The following MYSM1 variants were observed in gnomAD, a reference collection of about 807,000 sequenced individuals.
MYSM1 encodes deubiquitinase MYSM1.
A neutral mutation model predicts 116.0 loss-of-function variants in MYSM1; 51 were observed. The observed-to-expected ratio is 0.44, with a 90% CI of 0.35 to 0.56. The LOEUF is 0.56. Among genes scored for constraint, MYSM1 ranks in the 20% least tolerant of loss-of-function variants. The pLI is 0.00. For missense variants in MYSM1, 900 were observed against 974.9 expected (o/e 0.92, Z 1.02); for synonymous variants, 313 against 315.2 (o/e 0.99, Z 0.07).
At chr1:58,689,174 A>T in intron 5 of MYSM1, 58 bp from the exon 6 acceptor site, 1 of 1,322,386 alleles carries the variant, frequency 7.6e-7, no homozygotes, top group South Asian at 1.3e-5. Flanking sequence ...TTCCATATTT[A>T]TGTAACTAAA....
chr1:58,698,102 A>ATATATATATATATATATATATATATATT, intron 1 of MYSM1, among the ~76,000 whole-genome samples: 1 of 7,764 alleles, frequency 1.3e-4, no homozygotes, highest in African/African-American at 2.6e-4. Context: ...ATATATATAT[A>ATATATATATATATATATATATATATATT]TTTTTTTTTT....
rs184719529 is a variant in MYSM1, at chr1:58,659,092, T to C, written c.*905A>G. 1.3e-4 allele frequency: 19 copies of C among 148,900 alleles called. No homozygotes were observed. The highest frequency in any genetic ancestry group is 6.8e-4 in the Admixed American group (10 of 14,604). 9.2% of individuals were successfully genotyped at this position (148,900 alleles called of 1,614,324 possible). A position where few individuals can be genotyped will look rare whatever the true frequency, so the allele number is the denominator to read the frequency against. Reference sequence around the variant, plus strand: ...TAAAAAAGTTCACTGACCTCCATTATAGATTCAGAAAGCATATGAAACTGG... The same window carrying C: ...TAAAAAAGTTCACTGACCTCCATTACAGATTCAGAAAGCATATGAAACTGG... On this transcript the variant is annotated 3_prime_UTR_variant, in exon 20 of 20. Coordinates refer to ENST00000472487, the MANE Select transcript of MYSM1 (RefSeq NM_001085487.3).
intron 12 of MYSM1, 123 bp downstream of exon 12, chr1:58,671,747 A>T (rs1034746821): frequency 1.4e-6 from 1 of 698,006 alleles, no homozygotes; most frequent in African/African-American, 1.9e-5. Context: ...AAATCTAAAA[A>T]ATTGTAGCAG....
At chr1:58,665,955 G>A (rs1644462849) in intron 16 of MYSM1, among the ~76,000 whole-genome samples, 2 of 152,206 alleles carry the variant, frequency 1.3e-5, no homozygotes, top group Non-Finnish European at 2.9e-5. Context: ...TACTCAGGAG[G>A]CTGAGGCAGC....
chr1:58,689,203 G>T, intron 5 of MYSM1, 87 bp from the exon 6 acceptor site: 1 of 950,172 alleles, frequency 1.1e-6, no homozygotes, highest in Non-Finnish European at 1.6e-6. Flanking sequence ...ATAGCCATGG[G>T]CTAAATTCAA....
rs563080767 is a variant in MYSM1, at chr1:58,667,280, C to T, written c.1843-54G>A. ...TACTAAAATCCTGTTAATTCTATTA[C>T]TCTAATGTTATAATTCTTTCAAAGA... On this transcript the variant is annotated intron_variant, in intron 15 of 19. Coordinates refer to ENST00000472487, the MANE Select transcript of MYSM1 (RefSeq NM_001085487.3). 26 of 1,275,772 alleles carry T rather than the reference C, an allele frequency of 2.0e-5. No homozygotes were observed. In the Admixed American group the frequency reaches 4.6e-4, roughly 23 times the overall value. The allele number at this position is 1,275,772 out of a possible 1,614,324, so 79.0% of individuals were successfully genotyped here.
intron 5 of MYSM1, 126 bp from the exon 6 acceptor site, chr1:58,689,242 C>T: frequency 1.4e-6 from 1 of 694,006 alleles, no homozygotes; most frequent in South Asian, 2.1e-5. Context: ...TAAAAATAAA[C>T]AAACAAACAA....
chr1:58,655,109 C>T lies in MYSM1; in HGVS notation c.*4888G>A, dbSNP rs1010654578. 3.3e-5 allele frequency: 5 copies of T among 152,140 alleles called. No individual in the cohort carries two copies. Among genetic ancestry groups the T allele is most frequent in the African/African-American group, 1.2e-4 (5 of 41,446 alleles). The allele number at this position is 152,140 out of a possible 1,614,324, so 9.4% of individuals were successfully genotyped here. On this transcript the variant is annotated 3_prime_UTR_variant, in exon 20 of 20. Transcript: ENST00000472487. Reference sequence around the variant, plus strand: ...ATGTTTAGTAACTAACTTACTTATACACAACACATAATTTACATGTCAAAT... The same window carrying T: ...ATGTTTAGTAACTAACTTACTTATATACAACACATAATTTACATGTCAAAT...
At chr1:58,669,527 C>T (rs1241426890) in intron 12 of MYSM1, among the ~76,000 whole-genome samples, 1 of 152,050 alleles carries the variant, frequency 6.6e-6, no homozygotes, top group Non-Finnish European at 1.5e-5. Flanking sequence ...CTATCATAAA[C>T]TCTTCAAGTG....
At position 58,674,694 on chromosome 1, in the gene MYSM1, G is replaced by A. The variant is rs555087793; in HGVS notation, c.1494+783C>T. ...TAATCCCAGCACTTCGGGAGGCCAAGGCGGGCGGATCATGAGGTCAGGAGA... is the reference window on the plus strand; with the variant it reads ...TAATCCCAGCACTTCGGGAGGCCAAAGCGGGCGGATCATGAGGTCAGGAGA... On this transcript the variant is annotated intron_variant, in intron 10 of 19. Transcript: ENST00000472487. Among the ~76,000 whole-genome samples, 9 of 152,190 alleles carry A rather than the reference G, an allele frequency of 5.9e-5. No homozygotes were observed. The South Asian group carries it at 1.9e-3, about 32-fold the overall frequency.
chr1:58,674,793 G>A (rs1240994316), intron 10 of MYSM1, among the ~76,000 whole-genome samples: 1 of 151,832 alleles, frequency 6.6e-6, no homozygotes, highest in Admixed American at 6.6e-5. Context: ...TTGGTGTGAT[G>A]GCGGGCACCT....
chr1:58,675,586 G>C lies in MYSM1; in HGVS notation c.1391-6C>G. 6.2e-7 allele frequency: 1 copy of C among 1,605,092 alleles called. No individual in the cohort carries two copies. The highest frequency in any genetic ancestry group is 1.1e-5 in the South Asian group (1 of 90,436). On this transcript the variant is annotated splice_polypyrimidine_tract_variant and splice_region_variant and intron_variant, in intron 9 of 19. Coordinates refer to ENST00000472487, the MANE Select transcript of MYSM1 (RefSeq NM_001085487.3). The stretch of plus-strand genomic sequence containing the variant: ...CCTATTATACACAGCCTGTTCTATT[G>C]GAATTCAGGAAAGATAAAACCATCT...
intron 11 of MYSM1, among the ~76,000 whole-genome samples, chr1:58,672,974 G>A (rs745742725): frequency 1.3e-5 from 2 of 152,150 alleles, no homozygotes; most frequent in Non-Finnish European, 2.9e-5. Flanking sequence ...AGTACTTTGT[G>A]CATGCAAGGC....
Position 58,661,515 on chromosome 1 carries a change from G to C in MYSM1, c.2165-4C>G. ...ACTTCAAATTTGTAAGGTAAGCCTA[G>C]AAAAGCATAAAGAAGCACATTGTCA... On this transcript the variant is annotated splice_polypyrimidine_tract_variant and splice_region_variant and intron_variant, in intron 17 of 19. Coordinates refer to ENST00000472487, the MANE Select transcript of MYSM1 (RefSeq NM_001085487.3). The C allele has an allele frequency of 6.5e-7, 1 of 1,527,492 alleles. No individual in the cohort carries two copies. The highest frequency in any genetic ancestry group is 1.1e-5 in the South Asian group (1 of 88,836). 94.6% of individuals were successfully genotyped at this position (1,527,492 alleles called of 1,614,324 possible).
chr1:58,662,476 G>A (rs1222316534), intron 17 of MYSM1, among the ~76,000 whole-genome samples: 1 of 121,034 alleles, frequency 8.3e-6, no homozygotes. Flanking sequence ...TTTTTTTTTC[G>A]ATGAGGACAC....
At chr1:58,674,630 AAG>A (rs1489830314) in intron 10 of MYSM1, among the ~76,000 whole-genome samples, 1 of 152,138 alleles carries the variant, frequency 6.6e-6, no homozygotes, top group African/African-American at 2.4e-5. Context: ...CTGCCTTATA[AAG>A]AGTGTTGGAT....
intron 12 of MYSM1, among the ~76,000 whole-genome samples, chr1:58,670,517 GTAAAA>G (rs1644544189): frequency 6.6e-6 from 1 of 152,172 alleles, no homozygotes; most frequent in Non-Finnish European, 1.5e-5. Context: ...AGGTGACTAA[GTAAAA>G]TAATGAGTTC....
intron 13 of MYSM1, 128 bp from the exon 14 acceptor site, chr1:58,668,810 G>T: frequency 1.0e-6 from 1 of 997,760 alleles, no homozygotes; most frequent in Non-Finnish European, 1.5e-6. Context: ...CCAAAGCTCA[G>T]CACAAACTAG....
intron 17 of MYSM1, 41 bp downstream of exon 17, chr1:58,665,456 TAA>T (rs757856162): frequency 7.0e-7 from 1 of 1,438,312 alleles, no homozygotes; most frequent in Non-Finnish European, 9.5e-7. Flanking sequence ...GTCAAAGAAA[TAA>T]GAGTAGAAAG....
Sources: allele counts gnomAD v4.1 joint callset (sites outside exome capture counted in the v4.1 genomes callset), GRCh38; gene constraint gnomAD v4.1.1; transcripts MANE v1.5; gene names NCBI Gene and HGNC (gene_info 2026-07-23, HGNC 2026-07-21).